Variants in SUCO observed in about 807,000 individuals in gnomAD.
The protein encoded by SUCO is SUN domain containing ossification factor, also known as SUN domain-containing ossification factor.
In SUCO, 57 loss-of-function variants were observed where a neutral mutation model predicts 148.1. The observed-to-expected ratio is 0.38, with a 90% CI of 0.31 to 0.48. The LOEUF (loss-of-function observed/expected upper bound fraction) is 0.48, where lower values mean the gene tolerates loss of function less well. SUCO is among the 20% of genes least tolerant of loss of function. SUCO has a pLI of 0.96. For synonymous variants in SUCO, 470 were observed against 502.7 expected (o/e 0.93, Z 0.87); for missense variants, 1,331 against 1,468.2 (o/e 0.91, Z 1.53).
chr1:172,610,161 A>G lies in SUCO; in HGVS notation c.3667A>G (p.Lys1223Glu). Residue 1223 changes from lysine (K) to glutamate (E), a missense_variant, in exon 24 of 24, where the codon AAG becomes GAG. This residue lies in a region of SUCO where 334 missense variants were observed against 352.3 expected (regional missense o/e 0.95). Transcript: ENST00000263688. ...GKLIKTLIQT[K>E]SGSLPSLHDI... ...ATTGATAAAAACTCTAATACAGACTAAGTCGGGATCATTGCCGAGCCTGCA... is the reference window on the plus strand; with the variant it reads ...ATTGATAAAAACTCTAATACAGACTGAGTCGGGATCATTGCCGAGCCTGCA... The G allele has an allele frequency of 6.2e-7, 1 of 1,613,646 alleles. No individual in the cohort carries two copies. Among genetic ancestry groups the G allele is most frequent in the Non-Finnish European group, 8.5e-7 (1 of 1,179,834 alleles).
At chr1:172,552,898 A>G (rs1653409311) in intron 2 of SUCO, among the ~76,000 whole-genome samples, 1 of 152,074 alleles carries the variant, frequency 6.6e-6, no homozygotes, top group Non-Finnish European at 1.5e-5. Flanking sequence ...GGTATTAGAA[A>G]TTCTAACTTG....
intron 1 of SUCO, among the ~76,000 whole-genome samples, chr1:172,545,195 T>G (rs1325769980): frequency 6.6e-6 from 1 of 152,176 alleles, no homozygotes; most frequent in Admixed American, 6.5e-5. Flanking sequence ...TTTAGATGTT[T>G]TTGAGATACC....
intron 18 of SUCO, among the ~76,000 whole-genome samples, 196 bp from the exon 19 acceptor site, chr1:172,590,788 G>C (rs1286214286): frequency 6.6e-6 from 1 of 152,044 alleles, no homozygotes; most frequent in Admixed American, 6.6e-5. Flanking sequence ...ACCTCCATCT[G>C]CATCCCAAGG....
At position 172,587,047 on chromosome 1, in the gene SUCO, A is replaced by C. The variant is rs190095774; in HGVS notation, c.1658+1099A>C. Among the ~76,000 whole-genome samples, 637 of 152,120 alleles carry C rather than the reference A, an allele frequency of 4.2e-3. 4 individuals carry two copies. The highest frequency in any genetic ancestry group is 0.018 in the South Asian group (87 of 4,826). ...AACACGCTATGTCGTATTTTTCAAA[A>C]CTAAATAAAACTGATTTGGTTTTTT... On this transcript the variant is annotated intron_variant, in intron 17 of 23. Coordinates refer to ENST00000263688, the MANE Select transcript of SUCO (RefSeq NM_014283.5).
intron 1 of SUCO, among the ~76,000 whole-genome samples, chr1:172,535,749 G>T (rs1403763202): frequency 3.9e-5 from 6 of 152,162 alleles, no homozygotes; most frequent in African/African-American, 1.4e-4. Context: ...ATTGAGTGCT[G>T]TATGTCTGTT....
chr1:172,607,996 A>AT (rs1253016617), intron 22 of SUCO: 1 of 701,452 alleles, frequency 1.4e-6, no homozygotes, highest in African/African-American at 1.9e-5. Flanking sequence ...AGTGGATTGA[A>AT]TAGGACTAAA....
At chr1:172,546,494 C>T (rs921783495) in intron 1 of SUCO, among the ~76,000 whole-genome samples, 3 of 152,180 alleles carry the variant, frequency 2.0e-5, no homozygotes, top group African/African-American at 7.2e-5. Context: ...GTAGTGGCAA[C>T]AAGTGATAAA....
chr1:172,532,875 G>C (rs1043455465), upstream of SUCO: 1 of 1,499,876 alleles, frequency 6.7e-7, no homozygotes, highest in Admixed American at 2.2e-5. Flanking sequence ...GCAAGTGGGC[G>C]GGACCTGGGG....
intron 6 of SUCO, among the ~76,000 whole-genome samples, chr1:172,565,738 A>G (rs1258605443): frequency 2.6e-5 from 4 of 152,218 alleles, no homozygotes; most frequent in Non-Finnish European, 2.9e-5. Context: ...GTTAAAAGCA[A>G]ACAATAAGAC....
At chr1:172,532,405 C>G, upstream of SUCO, 2 of 1,249,050 alleles carry the variant, frequency 1.6e-6, no homozygotes, top group Admixed American at 2.4e-5. Context: ...AAGTGAGGAA[C>G]CCGGCAAGCG....
Position 172,533,244 on chromosome 1 carries a change from G to T in SUCO, c.-192G>T. 6.5e-7 allele frequency: 1 copy of T among 1,547,406 alleles called. No individual in the cohort carries two copies. On this transcript the variant is annotated 5_prime_UTR_variant, in exon 1 of 24. Coordinates refer to ENST00000263688, the MANE Select transcript of SUCO (RefSeq NM_014283.5). ...GGAGTCCTGTGAAGCGCCCCTGTCC[G>T]CGCCTCTGTGGGGCCCTCAGAGAGG...
At position 172,602,214 on chromosome 1, in the gene SUCO, A is replaced by C. The variant is rs1302452411; in HGVS notation, c.3169A>C (p.Lys1057Gln). 2 of 1,602,828 alleles carry C rather than the reference A, an allele frequency of 1.2e-6. No homozygotes were observed. The highest frequency in any genetic ancestry group is 1.7e-6 in the Non-Finnish European group (2 of 1,174,284). ...TAAAAGTAATCAGTATCCAAGCCCTAAAAGGTAATATCAGCATTATATTTC... is the reference window on the plus strand; with the variant it reads ...TAAAAGTAATCAGTATCCAAGCCCTCAAAGGTAATATCAGCATTATATTTC... ...LPKSNQYPSP[K>Q]RCFSSYDDMN... The change falls in exon 21 of 24, where the codon AAA (lysine) becomes CAA (glutamine). Residue 1057 changes from lysine to glutamine, a missense_variant. Lys to Gln is a moderately conservative substitution (Grantham distance 53). Around this residue, in one of 3 missense-constraint regions of SUCO, gnomAD observed 334 missense variants for 352.3 expected, o/e 0.95. Transcript: ENST00000263688.
At chr1:172,602,624 A>G in intron 21 of SUCO, 72 bp from the exon 22 acceptor site, 2 of 1,576,094 alleles carry the variant, frequency 1.3e-6, no homozygotes, top group Non-Finnish European at 1.7e-6. Flanking sequence ...ACCTCTGTGT[A>G]GCCTCAACAA....
chr1:172,609,171 A>G, intron 23 of SUCO: 3 of 813,298 alleles, frequency 3.7e-6, no homozygotes, highest in Non-Finnish European at 4.5e-6. Context: ...CAGAGCATGC[A>G]CCGTTCCTCT....
intron 22 of SUCO, among the ~76,000 whole-genome samples, chr1:172,607,868 G>T (rs977040856): frequency 1.3e-5 from 2 of 151,878 alleles, no homozygotes; most frequent in Non-Finnish European, 2.9e-5. Context: ...GAAATATAAT[G>T]TAAAAAATTA....
chr1:172,555,084 G>T (rs1279869635), intron 3 of SUCO, among the ~76,000 whole-genome samples: 1 of 151,934 alleles, frequency 6.6e-6, no homozygotes, highest in Non-Finnish European at 1.5e-5. Context: ...CATTTATTGA[G>T]CATTTAAACA....
chr1:172,609,154 C>T (rs1004437115), intron 23 of SUCO: 1 of 726,852 alleles, frequency 1.4e-6, no homozygotes, highest in Non-Finnish European at 1.7e-6. Flanking sequence ...CGAATGCATG[C>T]CAAGCACAGA....
chr1:172,590,338 G>C, intron 18 of SUCO: 2 of 985,196 alleles, frequency 2.0e-6, no homozygotes, highest in South Asian at 9.4e-5. Flanking sequence ...AGTGAAGACA[G>C]AGATGGACTG....
chr1:172,583,490 T>C (rs752043189), intron 15 of SUCO, among the ~76,000 whole-genome samples: 2 of 152,138 alleles, frequency 1.3e-5, no homozygotes, highest in Non-Finnish European at 2.9e-5. Context: ...TCTGCTACTA[T>C]TTCTCCCATC....
Sources: allele counts gnomAD v4.1 joint callset (sites outside exome capture counted in the v4.1 genomes callset), GRCh38; gene constraint gnomAD v4.1.1; regional missense constraint gnomAD v4.1.1; transcripts MANE v1.5; gene names NCBI Gene and HGNC (gene_info 2026-07-23, HGNC 2026-07-21).